PCED1B: variants seen among roughly 807,000 people sequenced by gnomAD.
PCED1B encodes the protein PC-esterase domain-containing protein 1B.
For missense variants in PCED1B, 573 were observed against 573.9 expected, an observed-to-expected ratio of 1.00 and a Z score of 0.02; for synonymous variants, 251 against 246.1, an observed-to-expected ratio of 1.02 and a Z score of -0.19.
intron 2 of PCED1B, among the ~76,000 whole-genome samples, chr12:47,185,425 G>T (rs1942224036): frequency 6.6e-6 from 1 of 152,182 alleles, no homozygotes; most frequent in African/African-American, 2.4e-5. Flanking sequence ...AAGTATTGCT[G>T]GTGTAGGAGA....
At chr12:47,094,754 A>G (rs202135093) in intron 1 of PCED1B, among the ~76,000 whole-genome samples, 1 of 152,244 alleles carries the variant, frequency 6.6e-6, no homozygotes, top group Non-Finnish European at 1.5e-5. Flanking sequence ...CATATATTTT[A>G]TACTACAAAC....
intron 1 of PCED1B, among the ~76,000 whole-genome samples, chr12:47,085,745 C>T (rs7979008): frequency 6.6e-6 from 1 of 152,050 alleles, no homozygotes. Flanking sequence ...CATATTTCTT[C>T]TTTTTCCTTA....
chr12:47,106,663 A>G (rs1371868815), intron 2 of PCED1B, among the ~76,000 whole-genome samples: 1 of 152,106 alleles, frequency 6.6e-6, no homozygotes, highest in East Asian at 1.9e-4. Context: ...CCCTCCCCAC[A>G]AGGGACCCAT....
At chr12:47,111,847 T>C (rs1042653580) in intron 2 of PCED1B, among the ~76,000 whole-genome samples, 6 of 152,254 alleles carry the variant, frequency 3.9e-5, no homozygotes, top group Non-Finnish European at 7.3e-5. Context: ...AAGTCACTTC[T>C]TCTCATGGTA....
intron 1 of PCED1B, among the ~76,000 whole-genome samples, chr12:47,093,868 G>A (rs976700056): frequency 1.3e-5 from 2 of 151,950 alleles, no homozygotes; most frequent in African/African-American, 4.8e-5. Flanking sequence ...ATGTTCTTAT[G>A]TTCTTTGTAT....
intron 2 of PCED1B, among the ~76,000 whole-genome samples, chr12:47,198,660 G>A (rs1176014582): frequency 6.6e-6 from 1 of 152,088 alleles, no homozygotes; most frequent in Non-Finnish European, 1.5e-5. Flanking sequence ...CAGATGACGT[G>A]ATTATGCAGA....
At chr12:47,086,021 T>C (rs992311601) in intron 1 of PCED1B, among the ~76,000 whole-genome samples, 2 of 152,226 alleles carry the variant, frequency 1.3e-5, no homozygotes, top group African/African-American at 4.8e-5. Context: ...GCGCCCACTG[T>C]GTGCTAGGCG....
At chr12:47,190,188 A>T (rs182108060) in intron 2 of PCED1B, among the ~76,000 whole-genome samples, 1 of 152,328 alleles carries the variant, frequency 6.6e-6, no homozygotes, top group Admixed American at 6.5e-5. Flanking sequence ...AATCAGCCAA[A>T]AAGCAAAAAT....
At chr12:47,169,255 C>G (rs1941639994) in intron 2 of PCED1B, among the ~76,000 whole-genome samples, 1 of 152,174 alleles carries the variant, frequency 6.6e-6, no homozygotes, top group Non-Finnish European at 1.5e-5. Flanking sequence ...CTGGAGGAAA[C>G]TTAGCAAGGC....
intron 2 of PCED1B, among the ~76,000 whole-genome samples, chr12:47,163,072 C>T (rs549261961): frequency 2.6e-5 from 4 of 152,218 alleles, no homozygotes; most frequent in Admixed American, 2.0e-4. Flanking sequence ...CATGGGATGT[C>T]TTCTATTTAT....
At chr12:47,193,501 T>G (rs957285436) in intron 2 of PCED1B, among the ~76,000 whole-genome samples, 1 of 152,146 alleles carries the variant, frequency 6.6e-6, no homozygotes, top group African/African-American at 2.4e-5. Context: ...CTGCCTTCAC[T>G]CGCCTGGATT....
chr12:47,178,526 A>C (rs1308657802), intron 2 of PCED1B, among the ~76,000 whole-genome samples: 1 of 152,140 alleles, frequency 6.6e-6, no homozygotes, highest in Admixed American at 6.6e-5. Context: ...CAGGTAGCCT[A>C]TGTAGCTCTT....
At chr12:47,179,036 T>C (rs1424661219) in intron 2 of PCED1B, among the ~76,000 whole-genome samples, 1 of 152,184 alleles carries the variant, frequency 6.6e-6, no homozygotes, top group Non-Finnish European at 1.5e-5. Flanking sequence ...AGTAATTACA[T>C]AAATTTGTGT....
At chr12:47,128,393 C>A (rs957418890) in intron 2 of PCED1B, among the ~76,000 whole-genome samples, 2 of 152,160 alleles carry the variant, frequency 1.3e-5, no homozygotes, top group African/African-American at 4.8e-5. Context: ...TCTTCAGCCT[C>A]ACTCTGGGCC....
intron 1 of PCED1B, among the ~76,000 whole-genome samples, chr12:47,085,129 G>A (rs572416149): frequency 7.9e-5 from 12 of 152,340 alleles, no homozygotes; most frequent in African/African-American, 2.6e-4. Context: ...GGGTGACAGA[G>A]CAAGACTCCG....
intron 2 of PCED1B, among the ~76,000 whole-genome samples, chr12:47,174,769 G>A (rs948465544): frequency 9.9e-5 from 15 of 152,264 alleles, no homozygotes; most frequent in Non-Finnish European, 1.9e-4. Flanking sequence ...GAGCATAGAG[G>A]TTAAGTGCAT....
At chr12:47,174,442 A>AAAATAAATAAAT (rs145322012) in intron 2 of PCED1B, among the ~76,000 whole-genome samples, 2 of 150,904 alleles carry the variant, frequency 1.3e-5, no homozygotes, top group East Asian at 3.9e-4. Context: ...ACAAACAAAC[A>AAAATAAATAAAT]AAATAAATAA....
rs200395874 is a variant in PCED1B, at chr12:47,235,776, G to T, written c.713G>T (p.Arg238Leu). ...DGVHWNGRVH[R>L]CLSQLLLAHV... ...GTGCACTGGAATGGACGTGTGCACC[G>T]CTGCCTCTCCCAGCTGCTGCTGGCC... The change falls in exon 4 of 4, where the codon CGC becomes CTC. Residue 238 changes from arginine (R) to leucine (L), a missense_variant. Transcript: ENST00000546455. 3.2e-6 allele frequency: 5 copies of T among 1,586,812 alleles called. No homozygotes were observed. The highest frequency in any genetic ancestry group is 1.1e-5 in the South Asian group (1 of 88,168).
chr12:47,159,146 C>T (rs1917658), intron 2 of PCED1B, among the ~76,000 whole-genome samples: 107,302 of 152,068 alleles, frequency 0.71, 38,127 homozygotes, highest in African/African-American at 0.78. Flanking sequence ...CATTTATCCA[C>T]TGATGGACAC....
Sources: gnomAD v4.1 joint callset for allele counts (sites outside exome capture counted in the v4.1 genomes callset) on GRCh38, gnomAD v4.1.1 for gene constraint, MANE v1.5 for transcripts, NCBI Gene and HGNC (gene_info 2026-07-23, HGNC 2026-07-21) for gene names.